Variants in PCYOX1L observed in about 807,000 individuals in gnomAD.
PCYOX1L encodes the protein prenylcysteine oxidase 1 like, also known as prenylcysteine oxidase 1-like.
In PCYOX1L, 40 loss-of-function variants were observed where a neutral mutation model predicts 44.1. The observed-to-expected ratio is 0.91, with a 90% confidence interval of 0.70 to 1.18. The LOEUF is 1.18. Ranked by LOEUF, PCYOX1L falls within the 50% of genes most tolerant of loss-of-function variation. The probability of loss-of-function intolerance (pLI) is 0.00; values close to 1 mark genes in which losing one functional copy is unlikely to be tolerated. For missense variants in PCYOX1L, 605 were observed against 653.3 expected, an observed-to-expected ratio of 0.93 and a Z score of 0.81; for synonymous variants, 266 against 282.8, an observed-to-expected ratio of 0.94 and a Z score of 0.60.
Position 149,358,162 on chromosome 5 carries a change from G to A in PCYOX1L, c.88+6G>A, listed in dbSNP as rs1186242093. The A allele has an allele frequency of 4.1e-6, 6 of 1,446,078 alleles. No individual in the cohort carries two copies. Among genetic ancestry groups the A allele is most frequent in the African/African-American group, 1.5e-5 (1 of 67,680 alleles). The allele number at this position is 1,446,078 out of a possible 1,614,324, so 89.6% of individuals were successfully genotyped here. A position where few individuals can be genotyped will look rare whatever the true frequency, so the allele number is the denominator to read the frequency against. ...TGCCCCGCCGGGCAAAATCGGTGCG[G>A]GAAGGACGCGGTGGGGTTCCCAGCT... On this transcript the variant is annotated splice_donor_region_variant and intron_variant, in intron 1 of 5. Transcript: ENST00000274569.
chr5:149,362,561 A>C, intron 1 of PCYOX1L, 76 bp from the exon 2 acceptor site: 11 of 1,489,514 alleles, frequency 7.4e-6, no homozygotes, highest in Non-Finnish European at 1.0e-5. Context: ...GCGCAGGAGG[A>C]TACAAAGTGT....
intron 4 of PCYOX1L, among the ~76,000 whole-genome samples, chr5:149,366,912 C>G (rs1248896883): frequency 6.6e-6 from 1 of 152,094 alleles, no homozygotes; most frequent in Non-Finnish European, 1.5e-5. Flanking sequence ...TATAATTCGC[C>G]CATTTAAATT....
intron 2 of PCYOX1L, chr5:149,363,403 C>T (rs1758078922): frequency 7.6e-6 from 2 of 261,504 alleles, no homozygotes; most frequent in Non-Finnish European, 1.5e-5. Flanking sequence ...AAGTTATTCA[C>T]TACAGCATTG....
rs752287716 is a variant in PCYOX1L at position 149,365,969 on chromosome 5, T to C, written c.498T>C (p.Tyr166=). ...MRIYKYQAHG[Y]AFSGVEELLY... ...TCTATAAGTACCAGGCCCACGGCTA[T>C]GCCTTCTCGGGTGTGGAGGAGCTGC... The change falls in exon 4 of 6, where the codon TAT becomes TAC. Residue 166 remains tyrosine, a synonymous_variant. Transcript: ENST00000274569. 5.0e-6 allele frequency: 8 copies of C among 1,614,238 alleles called. No individual in the cohort carries two copies. The Admixed American group carries it at 5.0e-5, about 10-fold the overall frequency.
In PCYOX1L at chr5:149,369,586, C is replaced by A. The variant is rs1314550852; in HGVS notation, c.*932C>A. On this transcript the variant is annotated 3_prime_UTR_variant, in exon 6 of 6. Transcript: ENST00000274569. ...GAAGTAAGAGGAGAATTATGCTTTT[C>A]TTTGCTTTTTCTACAAACCCTTAAA... 6.6e-6 allele frequency: 1 copy of A among 152,184 alleles called. No homozygotes were observed. The highest frequency in any genetic ancestry group is 1.5e-5 in the Non-Finnish European group (1 of 68,018). 9.4% of individuals were successfully genotyped at this position (152,184 alleles called of 1,614,324 possible).
chr5:149,367,293 G>A (rs867691447), intron 4 of PCYOX1L, 67 bp from the exon 5 acceptor site: 2 of 1,547,582 alleles, frequency 1.3e-6, no homozygotes, highest in Middle Eastern at 1.7e-4. Flanking sequence ...GAATAGTACT[G>A]GACTCCCCAG....
At position 149,364,155 on chromosome 5, in the gene PCYOX1L, A is replaced by G; in HGVS notation, c.415A>G (p.Ile139Val). 1 of 1,614,206 alleles carries G rather than the reference A, an allele frequency of 6.2e-7. No individual in the cohort carries two copies. The highest frequency in any genetic ancestry group is 8.5e-7 in the Non-Finnish European group (1 of 1,180,040). ...NLFRLWWHYG[I>V]SFLRLQMWVE... ...CTTCCGCCTCTGGTGGCACTATGGCATCAGCTTCCTGAGGCTGCAGATGTG... is the reference window on the plus strand; with the variant it reads ...CTTCCGCCTCTGGTGGCACTATGGCGTCAGCTTCCTGAGGCTGCAGATGTG... The change falls in exon 3 of 6, where the codon ATC becomes GTC. Residue 139 changes from isoleucine to valine, a missense_variant. Transcript: ENST00000274569.
chr5:149,368,091 A>G lies in PCYOX1L; in HGVS notation c.922A>G (p.Asn308Asp). The change falls in exon 6 of 6, where the codon AAC (asparagine) becomes GAC (aspartate). Residue 308 changes from asparagine to aspartate, a missense_variant. Transcript: ENST00000274569. ...VVIATPLHLD[N>D]SSSNLTFAGF... Reference sequence around the variant, plus strand: ...CATCGCCACCCCCCTGCACCTGGACAACAGCAGCAGCAACTTAACCTTTGC... The same window carrying G: ...CATCGCCACCCCCCTGCACCTGGACGACAGCAGCAGCAACTTAACCTTTGC... 1.9e-6 allele frequency: 3 copies of G among 1,611,654 alleles called. No individual in the cohort carries two copies. Among genetic ancestry groups the G allele is most frequent in the Non-Finnish European group, 2.5e-6 (3 of 1,178,696 alleles).
In PCYOX1L at chr5:149,364,137, C is replaced by G; in HGVS notation, c.397C>G (p.Leu133Val). 6.2e-7 allele frequency: 1 copy of G among 1,614,146 alleles called. No homozygotes were observed. The change falls in exon 3 of 6, where the codon CTC (leucine) becomes GTC (valine). Residue 133 changes from leucine (L) to valine (V), a missense_variant. Physicochemically the swap from Leu to Val is conservative, Grantham distance 32. Transcript: ENST00000274569. ...TDWYLLNLFRLWWHYGISFLR... is the reference protein window; with the variant it reads ...TDWYLLNLFRVWWHYGISFLR... ...CTGGTACCTGCTGAACCTCTTCCGC[C>G]TCTGGTGGCACTATGGCATCAGCTT...
At position 149,366,070 on chromosome 5, in the gene PCYOX1L, T is replaced by C. The variant is rs760596934; in HGVS notation, c.599T>C (p.Val200Ala). Reference protein sequence around the residue: ...SVAESLLQVGVTQRFIDDVVS... With the variant: ...SVAESLLQVGATQRFIDDVVS... ...GCTGAGTCCCTGCTGCAGGTGGGCGTCACGCAGCGCTTTATTGATGATGTC... is the reference window on the plus strand; with the variant it reads ...GCTGAGTCCCTGCTGCAGGTGGGCGCCACGCAGCGCTTTATTGATGATGTC... The change falls in exon 4 of 6, where the codon GTC (valine) becomes GCC (alanine). Residue 200 changes from valine to alanine, a missense_variant. Physicochemically the swap from Val to Ala is moderately conservative, Grantham distance 64. Transcript: ENST00000274569. 6.2e-7 allele frequency: 1 copy of C among 1,614,212 alleles called. No individual in the cohort carries two copies. Among genetic ancestry groups the C allele is most frequent in the Non-Finnish European group, 8.5e-7 (1 of 1,180,040 alleles).
chr5:149,367,056 C>T (rs946974948), intron 4 of PCYOX1L, among the ~76,000 whole-genome samples: 3 of 152,202 alleles, frequency 2.0e-5, no homozygotes, highest in Admixed American at 1.3e-4. Flanking sequence ...CCCCGGCCTC[C>T]CAGCCCTGGG....
At chr5:149,360,727 G>A (rs1757984887) in intron 1 of PCYOX1L, among the ~76,000 whole-genome samples, 1 of 152,182 alleles carries the variant, frequency 6.6e-6, no homozygotes, top group Admixed American at 6.5e-5. Flanking sequence ...CCTATCAAAG[G>A]GAACAGCTCG....
intron 3 of PCYOX1L, 171 bp from the exon 4 acceptor site, chr5:149,365,771 C>T (rs900642242): frequency 1.1e-5 from 7 of 632,618 alleles, no homozygotes; most frequent in South Asian, 3.8e-5. Context: ...GGGACAGGCC[C>T]GCCACAGTCA....
rs762430105 is a variant in PCYOX1L, at chr5:149,368,587, G to T, written c.1418G>T (p.Arg473Leu). Residue 473 changes from arginine (R) to leucine (L), a missense_variant, in exon 6 of 6, where the codon CGC becomes CTC. By Grantham distance (102) the Arg-to-Leu change is moderately radical (BLOSUM62 -2). Coordinates refer to ENST00000274569, the MANE Select transcript of PCYOX1L (RefSeq NM_024028.4). ...AATGTGGCCTTGCTGGCTTACAACC[G>T]CTGGTACCAGGACCTAGACAAGATT... ...AKNVALLAYN[R>L]WYQDLDKIDQ... is the part of the protein sequence containing the mutation. The T allele has an allele frequency of 6.4e-7, 1 of 1,572,060 alleles. No individual in the cohort carries two copies. Among genetic ancestry groups the T allele is most frequent in the Non-Finnish European group, 8.6e-7 (1 of 1,163,228 alleles).
At chr5:149,358,439 T>TCCTGGCTGTTGGC (rs1757915285) in intron 1 of PCYOX1L, among the ~76,000 whole-genome samples, 1 of 152,136 alleles carries the variant, frequency 6.6e-6, no homozygotes, top group African/African-American at 2.4e-5. Flanking sequence ...TCTGCCATGG[T>TCCTGGCTGTTGGC]CCTGGCTGTT....
chr5:149,368,794 C>A lies in PCYOX1L; in HGVS notation c.*140C>A. The A allele has an allele frequency of 1.2e-6, 1 of 804,858 alleles. No individual in the cohort carries two copies. The highest frequency in any genetic ancestry group is 1.8e-6 in the Non-Finnish European group (1 of 569,166). The allele number at this position is 804,858 out of a possible 1,614,324, so 49.9% of individuals were successfully genotyped here. A position where few individuals can be genotyped will look rare whatever the true frequency, so the allele number is the denominator to read the frequency against. ...GTATCAAGCATCTCCAGGTGACCTACTGTCTGCCTATATTAAGGGTCCACA... is the reference window on the plus strand; with the variant it reads ...GTATCAAGCATCTCCAGGTGACCTAATGTCTGCCTATATTAAGGGTCCACA... On this transcript the variant is annotated 3_prime_UTR_variant, in exon 6 of 6. Transcript: ENST00000274569.
At chr5:149,362,911 C>A in intron 2 of PCYOX1L, 68 bp downstream of exon 2, 1 of 1,517,864 alleles carries the variant, frequency 6.6e-7, no homozygotes, top group Admixed American at 1.7e-5. Flanking sequence ...GGGCCCTTCT[C>A]AGACTTCCCA....
At position 149,368,919 on chromosome 5, in the gene PCYOX1L, T is replaced by C. The variant is rs1194524549; in HGVS notation, c.*265T>C. 7 of 313,792 alleles carry C rather than the reference T, an allele frequency of 2.2e-5. No homozygotes were observed. The highest frequency in any genetic ancestry group is 4.0e-5 in the Non-Finnish European group (7 of 173,834). 19.4% of individuals were successfully genotyped at this position (313,792 alleles called of 1,614,324 possible). On this transcript the variant is annotated 3_prime_UTR_variant, in exon 6 of 6. Transcript: ENST00000274569. ...TTATTTTTTTTAAGAAGAAAAAAGT[T>C]CATCTTCACAAGGTGCTTCAGACTT...
chr5:149,366,274 C>A, intron 4 of PCYOX1L, 121 bp downstream of exon 4: 1 of 996,952 alleles, frequency 1.0e-6, no homozygotes, highest in Non-Finnish European at 1.5e-6. Context: ...CATAGGCACT[C>A]TGCTGCCCCA....
Sources: allele counts gnomAD v4.1 joint callset (sites outside exome capture counted in the v4.1 genomes callset), GRCh38; gene constraint gnomAD v4.1.1; transcripts MANE v1.5; gene names NCBI Gene and HGNC (gene_info 2026-07-23, HGNC 2026-07-21).